TMEM87B: variants seen among roughly 807,000 people sequenced by gnomAD.
TMEM87B encodes transmembrane protein 87B.
A neutral mutation model predicts 80.3 loss-of-function variants in TMEM87B; 83 were observed. That is an observed-to-expected ratio of 1.03 (90% CI 0.87 to 1.24). TMEM87B has a LOEUF of 1.24. Among genes scored for constraint, TMEM87B ranks in the 50% most tolerant of loss-of-function variants. The probability of loss-of-function intolerance (pLI) is 0.00; values close to 1 mark genes in which losing one functional copy is unlikely to be tolerated. For synonymous variants in TMEM87B, 219 were observed against 230.5 expected, an observed-to-expected ratio of 0.95 and a Z score of 0.45; for missense variants, 625 against 674.4, an observed-to-expected ratio of 0.93 and a Z score of 0.81.
intron 3 of TMEM87B, among the ~76,000 whole-genome samples, chr2:112,065,552 G>A (rs917811958): frequency 1.3e-5 from 2 of 151,354 alleles, no homozygotes; most frequent in Admixed American, 1.3e-4. Context: ...GGTTTAGGCC[G>A]GAGGATCCCT....
At chr2:112,084,344 ACT>A (rs1038364032) in intron 8 of TMEM87B, among the ~76,000 whole-genome samples, 99 of 152,242 alleles carry the variant, frequency 6.5e-4, no homozygotes, top group African/African-American at 2.1e-3. Context: ...CTCCTGTGGA[ACT>A]CTCTATCCTG....
intron 8 of TMEM87B, among the ~76,000 whole-genome samples, chr2:112,081,965 C>T (rs1284919903): frequency 6.6e-6 from 1 of 152,164 alleles, no homozygotes; most frequent in Non-Finnish European, 1.5e-5. Context: ...CCTGCAGCCT[C>T]CTTGTGCTCT....
At chr2:112,113,010 C>A in intron 18 of TMEM87B, 81 bp downstream of exon 18, 2 of 1,301,920 alleles carry the variant, frequency 1.5e-6, no homozygotes, top group Non-Finnish European at 2.2e-6. Context: ...GTTCTGAAAG[C>A]TACTTTTTAA....
At chr2:112,075,720 G>C (rs1309695063) in intron 5 of TMEM87B, among the ~76,000 whole-genome samples, 2 of 152,180 alleles carry the variant, frequency 1.3e-5, no homozygotes, top group Non-Finnish European at 2.9e-5. Flanking sequence ...ACAGGTTTGG[G>C]AGAGCTTAAT....
intron 6 of TMEM87B, among the ~76,000 whole-genome samples, chr2:112,078,915 T>C (rs967593967): frequency 6.6e-6 from 1 of 152,220 alleles, no homozygotes; most frequent in Non-Finnish European, 1.5e-5. Flanking sequence ...CTCTTGTATA[T>C]GATCAGATTT....
intron 8 of TMEM87B, among the ~76,000 whole-genome samples, chr2:112,083,626 T>C (rs1679063579): frequency 6.6e-6 from 1 of 152,224 alleles, no homozygotes. Context: ...GAGAGTCTGA[T>C]TAGGGCAGAC....
At chr2:112,092,667 G>A (rs1679340243) in intron 11 of TMEM87B, among the ~76,000 whole-genome samples, 1 of 152,206 alleles carries the variant, frequency 6.6e-6, no homozygotes, top group African/African-American at 2.4e-5. Flanking sequence ...AGAAATGGGT[G>A]GAAGAGAGCA....
intron 13 of TMEM87B, among the ~76,000 whole-genome samples, chr2:112,097,969 C>T (rs1422073226): frequency 6.6e-6 from 1 of 151,196 alleles, no homozygotes; most frequent in Non-Finnish European, 1.5e-5. Flanking sequence ...TATGGGCATT[C>T]GAGCGATGTT....
chr2:112,112,537 T>C (rs1679947612), intron 17 of TMEM87B, among the ~76,000 whole-genome samples: 1 of 152,246 alleles, frequency 6.6e-6, no homozygotes, highest in African/African-American at 2.4e-5. Flanking sequence ...CCCTTTCACA[T>C]CAGGAGCCCA....
chr2:112,059,217 AT>A (rs1678171538), intron 1 of TMEM87B, among the ~76,000 whole-genome samples: 1 of 152,068 alleles, frequency 6.6e-6, no homozygotes, highest in South Asian at 2.1e-4. Context: ...TAACTGCAGG[AT>A]TTTTATTCCT....
chr2:112,091,875 AT>A (rs1573713338), intron 11 of TMEM87B, 92 bp downstream of exon 11: 1 of 1,054,532 alleles, frequency 9.5e-7, no homozygotes, highest in East Asian at 2.5e-5. Context: ...AAATACAGTT[AT>A]GCATTTTTGT....
intron 17 of TMEM87B, among the ~76,000 whole-genome samples, chr2:112,110,661 G>A (rs1307302699): frequency 6.6e-6 from 1 of 152,056 alleles, no homozygotes; most frequent in Non-Finnish European, 1.5e-5. Context: ...TATGGATGAC[G>A]TTGATGGTAT....
In TMEM87B at chr2:112,097,051, T is replaced by C; in HGVS notation, c.1112T>C (p.Ile371Thr). 1 of 1,578,232 alleles carries C rather than the reference T, an allele frequency of 6.3e-7. No individual in the cohort carries two copies. ...TTCCTTAACTTTTTTCACATTTTTA[T>C]TAGTTTGGCACAAACTATGAAGACC... Reference protein sequence around the residue: ...IDSIFVWFIFISLAQTMKTLR... With the variant: ...IDSIFVWFIFTSLAQTMKTLR... Residue 371 changes from isoleucine (I) to threonine (T), a missense_variant, in exon 12 of 19, where the codon ATT becomes ACT. Physicochemically the swap from Ile to Thr is moderately conservative, Grantham distance 89. Transcript: ENST00000283206.
At chr2:112,081,568 G>A in intron 8 of TMEM87B, 50 bp downstream of exon 8, 1 of 1,522,974 alleles carries the variant, frequency 6.6e-7, no homozygotes, top group South Asian at 1.3e-5. Flanking sequence ...GAGTTCCCCA[G>A]TATTTATGAG....
chr2:112,061,954 C>G (rs1678271678), intron 2 of TMEM87B, among the ~76,000 whole-genome samples: 1 of 152,222 alleles, frequency 6.6e-6, no homozygotes, highest in Non-Finnish European at 1.5e-5. Flanking sequence ...CCTCCTTGGT[C>G]TGGTGCCATG....
intron 17 of TMEM87B, among the ~76,000 whole-genome samples, chr2:112,109,171 CTG>C (rs1679846903): frequency 6.6e-6 from 1 of 152,122 alleles, no homozygotes; most frequent in African/African-American, 2.4e-5. Flanking sequence ...TATAAATAGT[CTG>C]TGCAAAGTAA....
At position 112,068,476 on chromosome 2, in the gene TMEM87B, G is replaced by A. The variant is rs1038623164; in HGVS notation, c.450+1409G>A. Among the ~76,000 whole-genome samples the A allele has an allele frequency of 3.4e-4, 51 of 152,130 alleles. 1 individual carries two copies. The highest frequency in any genetic ancestry group is 6.3e-4 in the Non-Finnish European group (43 of 68,020). On this transcript the variant is annotated intron_variant, in intron 4 of 18. Transcript: ENST00000283206. ...TCTCAGCACTTTGGGAGGCCAAGGC[G>A]GGTGGATCATGAGGTCAGGAGATCG...
At chr2:112,089,239 C>G (rs892443966) in intron 9 of TMEM87B, among the ~76,000 whole-genome samples, 2 of 152,194 alleles carry the variant, frequency 1.3e-5, no homozygotes, top group African/African-American at 4.8e-5. Context: ...AGACAGACCT[C>G]AGGAAGAATT....
At chr2:112,115,255 ACT>A (rs1252586347) in intron 18 of TMEM87B, among the ~76,000 whole-genome samples, 1 of 76,104 alleles carries the variant, frequency 1.3e-5, no homozygotes, top group African/African-American at 5.1e-5. Flanking sequence ...AAGATTCATA[ACT>A]CTACAGAAAG....
Sources: allele counts gnomAD v4.1 joint callset (sites outside exome capture counted in the v4.1 genomes callset), GRCh38; gene constraint gnomAD v4.1.1; transcripts MANE v1.5; gene names NCBI Gene and HGNC (gene_info 2026-07-23, HGNC 2026-07-21).